The following FCRL6 variants were observed in gnomAD, a reference collection of about 807,000 sequenced individuals.
FCRL6 encodes the protein Fc receptor like 6.
A neutral mutation model predicts 49.1 loss-of-function variants in FCRL6; 50 were observed. That is an observed-to-expected ratio of 1.02 (90% CI 0.81 to 1.29). The LOEUF is 1.29. FCRL6 is among the 50% of genes most tolerant of loss of function. FCRL6 has a pLI of 0.00. For missense variants in FCRL6, 571 were observed against 518.5 expected (o/e 1.10, Z -0.98); for synonymous variants, 213 against 199.6 (o/e 1.07, Z -0.57).
At chr1:159,806,649 G>A in intron 2 of FCRL6, 33 bp downstream of exon 2, 5 of 1,611,490 alleles carry the variant, frequency 3.1e-6, no homozygotes, top group Non-Finnish European at 4.2e-6. Context: ...CTAATTCAAA[G>A]TATGTCTATG....
At chr1:159,808,769 G>A in intron 3 of FCRL6, 192 bp from the exon 4 acceptor site, 2 of 635,640 alleles carry the variant, frequency 3.1e-6, no homozygotes, top group Non-Finnish European at 5.4e-6. Context: ...CAAGATTCCA[G>A]AAGGGCCTGG....
At chr1:159,800,554 T>A (rs746172888), upstream of FCRL6, 27 of 1,542,522 alleles carry the variant, frequency 1.8e-5, no homozygotes, top group East Asian at 5.1e-4. Context: ...TGAAGACAAC[T>A]CAGGAGATCT....
In FCRL6 at chr1:159,813,508, A is replaced by G. The variant is rs554735635; in HGVS notation, c.1029A>G (p.Ile343Met). 6.2e-7 allele frequency: 1 copy of G among 1,614,052 alleles called. No individual in the cohort carries two copies. The highest frequency in any genetic ancestry group is 1.1e-5 in the South Asian group (1 of 91,070). The change falls in exon 7 of 10, where the codon ATA becomes ATG. Residue 343 changes from isoleucine (I) to methionine (M), a missense_variant. Ile to Met is a conservative substitution (Grantham distance 10). Transcript: ENST00000368106. ...TCCTAGGGCCCCTTCCATCCCAGAT[A>G]CCACCCACAGCTCCAGGTGGAGAGC... is the stretch of plus-strand genomic sequence containing the variant. ...WRKAGPLPSQ[I>M]PPTAPGGEQC...
In FCRL6 at chr1:159,809,547, C is replaced by A. The variant is rs1182352266; in HGVS notation, c.750C>A (p.Asn250Lys). ...ACCTTGATGAGAAGATTGTGGGGAA[C>A]CACTCAGCTCCCTGTGGTGGAACCA... ...SFYLDEKIVG[N>K]HSAPCGGTTS... Residue 250 changes from asparagine to lysine, a missense_variant, in exon 5 of 10, where the codon AAC becomes AAA. Asn to Lys is a moderately conservative substitution (Grantham distance 94). Coordinates refer to ENST00000368106, the MANE Select transcript of FCRL6 (RefSeq NM_001004310.3). The A allele has an allele frequency of 6.2e-7, 1 of 1,614,198 alleles. No homozygotes were observed. Among genetic ancestry groups the A allele is most frequent in the Admixed American group, 1.7e-5 (1 of 60,030 alleles).
At chr1:159,809,983 G>A (rs1662995528) in intron 5 of FCRL6, 111 bp from the exon 6 acceptor site, 2 of 1,364,848 alleles carry the variant, frequency 1.5e-6, no homozygotes, top group Admixed American at 2.1e-5. Context: ...GCTCCCCCAG[G>A]CCAGACGGTT....
chr1:159,806,108 A>G (rs544467558), intron 1 of FCRL6, among the ~76,000 whole-genome samples: 1 of 152,376 alleles, frequency 6.6e-6, no homozygotes, highest in African/African-American at 2.4e-5. Context: ...TATGGAGCTT[A>G]TATTCTAGCC....
upstream of FCRL6, chr1:159,800,574 A>G: frequency 6.5e-7 from 1 of 1,549,664 alleles, no homozygotes; most frequent in Non-Finnish European, 8.7e-7. Context: ...TGTTGGAAAG[A>G]GAACGATAGA....
chr1:159,809,106 C>T lies in FCRL6; in HGVS notation c.465C>T (p.Thr155=), dbSNP rs1488873280. The change falls in exon 4 of 10, where the codon ACC becomes ACT. Residue 155 remains threonine (T), a synonymous_variant. Coordinates refer to ENST00000368106, the MANE Select transcript of FCRL6 (RefSeq NM_001004310.3). ...LLFSFHKDGH[T]LQDRGPHPEL... ...TCTCCTTCCACAAGGACGGCCACACCTTGCAGGACAGGGGCCCTCACCCAG... is the reference window on the plus strand; with the variant it reads ...TCTCCTTCCACAAGGACGGCCACACTTTGCAGGACAGGGGCCCTCACCCAG... The T allele has an allele frequency of 2.5e-6, 4 of 1,613,976 alleles. No homozygotes were observed. The highest frequency in any genetic ancestry group is 2.5e-6 in the Non-Finnish European group (3 of 1,179,978).
intron 7 of FCRL6, 31 bp from the exon 8 acceptor site, chr1:159,814,190 G>T: frequency 1.9e-6 from 3 of 1,598,658 alleles, no homozygotes; most frequent in African/African-American, 1.3e-5. Context: ...GAGTCAGGAG[G>T]ATCCTATTTA....
At chr1:159,809,338 A>T (rs1662933058) in intron 4 of FCRL6, 64 bp from the exon 5 acceptor site, 1 of 1,532,968 alleles carries the variant, frequency 6.5e-7, no homozygotes, top group Non-Finnish European at 8.8e-7. Flanking sequence ...AAGGGTCCCC[A>T]GGAGAGGAGG....
chr1:159,815,622 C>G lies in FCRL6; in HGVS notation c.1266C>G (p.Leu422=), dbSNP rs1372549490. 3 of 1,614,040 alleles carry G rather than the reference C, an allele frequency of 1.9e-6. No individual in the cohort carries two copies. In the African/African-American group the frequency reaches 4.0e-5, roughly 22 times the overall value. Residue 422 remains leucine, a synonymous_variant, in exon 10 of 10, where the codon CTC becomes CTG. Coordinates refer to ENST00000368106, the MANE Select transcript of FCRL6 (RefSeq NM_001004310.3). ...AGGTGAATATGAGAAGCAGGACTCT[C>G]CAAGAACCCCTTAGCGACTGTGAGG... The part of the protein sequence containing the change: ...STEVNMRSRT[L]QEPLSDCEEV...
chr1:159,807,432 G>A (rs1284254821), intron 2 of FCRL6, among the ~76,000 whole-genome samples: 1 of 152,218 alleles, frequency 6.6e-6, no homozygotes, highest in Non-Finnish European at 1.5e-5. Context: ...TACAGACTGG[G>A]GACAGGCTCA....
At chr1:159,800,735 G>A (rs1190139261), upstream of FCRL6, 4 of 825,984 alleles carry the variant, frequency 4.8e-6, no homozygotes, top group Non-Finnish European at 8.1e-6. Context: ...CTTCCACTGA[G>A]TCAGACAATC....
chr1:159,809,511 G>T lies in FCRL6; in HGVS notation c.714G>T (p.Leu238=), dbSNP rs985099626. ...CACAGAGGGGCTCCCCTCCGATCCT[G>T]TATTCCTTCTACCTTGATGAGAAGA... ...CEAQRGSPPI[L]YSFYLDEKIV... Residue 238 remains leucine, a synonymous_variant, in exon 5 of 10, where the codon CTG becomes CTT. Transcript: ENST00000368106. 6 of 1,614,084 alleles carry T rather than the reference G, an allele frequency of 3.7e-6. No homozygotes were observed. The highest frequency in any genetic ancestry group is 4.2e-6 in the Non-Finnish European group (5 of 1,180,028).
rs60602471 is a variant in FCRL6, at chr1:159,804,131, G to A, written c.31+1676G>A. ...GCTGCTCCCCGCATTCTCACACAGC[G>A]TCCATAGGAGGTGTCATGGGGTCCC... On this transcript the variant is annotated intron_variant, in intron 1 of 9. Coordinates refer to ENST00000368106, the MANE Select transcript of FCRL6 (RefSeq NM_001004310.3). Among the ~76,000 whole-genome samples the A allele has an allele frequency of 9.9e-3, 1,510 of 152,232 alleles. 22 individuals are homozygous for A. The highest frequency in any genetic ancestry group is 0.035 in the African/African-American group (1,442 of 41,528).
At position 159,810,077 on chromosome 1, in the gene FCRL6, C is replaced by G; in HGVS notation, c.887-17C>G. On this transcript the variant is annotated splice_polypyrimidine_tract_variant and intron_variant, in intron 5 of 9. Coordinates refer to ENST00000368106, the MANE Select transcript of FCRL6 (RefSeq NM_001004310.3). ...TATCTTCAGTGCTCATGGCCACCTTCTTCTCCCTGCTCCCAGGTTCTCAAG... is the reference window on the plus strand; with the variant it reads ...TATCTTCAGTGCTCATGGCCACCTTGTTCTCCCTGCTCCCAGGTTCTCAAG... The G allele has an allele frequency of 6.2e-7, 1 of 1,607,180 alleles. No homozygotes were observed. The highest frequency in any genetic ancestry group is 8.5e-7 in the Non-Finnish European group (1 of 1,177,502).
At chr1:159,804,105 G>C (rs1022789480) in intron 1 of FCRL6, among the ~76,000 whole-genome samples, 2 of 152,170 alleles carry the variant, frequency 1.3e-5, no homozygotes, top group African/African-American at 4.8e-5. Flanking sequence ...TACCACTGGA[G>C]GCTGCTCCCC....
chr1:159,800,626 G>A, upstream of FCRL6: 1 of 1,548,000 alleles, frequency 6.5e-7, no homozygotes, highest in East Asian at 2.4e-5. Flanking sequence ...GAGTGGACAA[G>A]ATTTCTACTT....
chr1:159,815,676 T>C lies in FCRL6; in HGVS notation c.*15T>C. On this transcript the variant is annotated 3_prime_UTR_variant, in exon 10 of 10. Coordinates refer to ENST00000368106, the MANE Select transcript of FCRL6 (RefSeq NM_001004310.3). ...TTCTCTGCTAGTGATGGTGTTCTCCTATCAACACACGCCCACCCCCAGTCT... is the reference window on the plus strand; with the variant it reads ...TTCTCTGCTAGTGATGGTGTTCTCCCATCAACACACGCCCACCCCCAGTCT... The C allele has an allele frequency of 5.0e-6, 8 of 1,613,776 alleles. No individual in the cohort carries two copies. The highest frequency in any genetic ancestry group is 6.8e-6 in the Non-Finnish European group (8 of 1,179,960).
Sources: gnomAD v4.1 joint callset for allele counts (sites outside exome capture counted in the v4.1 genomes callset) on GRCh38, gnomAD v4.1.1 for gene constraint, MANE v1.5 for transcripts, NCBI Gene and HGNC (gene_info 2026-07-23, HGNC 2026-07-21) for gene names.